Variants in RPS6KC1 observed in about 807,000 individuals in gnomAD.
RPS6KC1 encodes inactive ribosomal protein S6 kinase delta-1.
A neutral mutation model predicts 103.8 loss-of-function variants in RPS6KC1; 54 were observed. The observed-to-expected ratio is 0.52, with a 90% CI of 0.42 to 0.65. The LOEUF (loss-of-function observed/expected upper bound fraction) is 0.65, where lower values mean the gene tolerates loss of function less well. Ranked by LOEUF, RPS6KC1 falls within the 30% of genes least tolerant of loss-of-function variation. The probability of loss-of-function intolerance (pLI) is 0.00; values close to 1 mark genes in which losing one functional copy is unlikely to be tolerated. For missense variants in RPS6KC1, 1,151 were observed against 1,253.8 expected, an observed-to-expected ratio of 0.92 and a Z score of 1.24; for synonymous variants, 439 against 438.7, an observed-to-expected ratio of 1.00 and a Z score of -0.01.
At chr1:213,801,443 T>A in the RPS6KC1 span, among the ~76,000 whole-genome samples, 1 of 152,134 alleles carries the variant, frequency 6.6e-6, no homozygotes, top group Non-Finnish European at 1.5e-5. Context: ...TGTATAATAA[T>A]ATATATGTTG....
At chr1:213,610,780 C>T in the RPS6KC1 span, among the ~76,000 whole-genome samples, 2 of 152,164 alleles carry the variant, frequency 1.3e-5, no homozygotes, top group African/African-American at 2.4e-5. Flanking sequence ...AGGAAAACAT[C>T]ATTCTCTGAG....
chr1:213,771,953 C>T, the RPS6KC1 span, among the ~76,000 whole-genome samples: 3 of 152,186 alleles, frequency 2.0e-5, no homozygotes, highest in Admixed American at 6.5e-5. Flanking sequence ...GCGTGGGGGT[C>T]GCTTTCTTGA....
the RPS6KC1 span, among the ~76,000 whole-genome samples, chr1:213,505,087 C>T: frequency 2.6e-5 from 4 of 152,252 alleles, no homozygotes; most frequent in East Asian, 3.9e-4. Context: ...TGTGGGGCTT[C>T]GTTTCCCTTC....
chr1:213,713,310 C>T, the RPS6KC1 span, among the ~76,000 whole-genome samples: 4 of 152,184 alleles, frequency 2.6e-5, no homozygotes, highest in South Asian at 2.1e-4. Flanking sequence ...TATTTTATCT[C>T]TTCCTGTTGC....
At chr1:213,507,098 A>G in the RPS6KC1 span, among the ~76,000 whole-genome samples, 1 of 152,232 alleles carries the variant, frequency 6.6e-6, no homozygotes, top group Non-Finnish European at 1.5e-5. Flanking sequence ...CAATGAACGT[A>G]TCAGCATTCT....
chr1:213,310,045 C>G, the RPS6KC1 span, among the ~76,000 whole-genome samples: 1 of 152,160 alleles, frequency 6.6e-6, no homozygotes, highest in Non-Finnish European at 1.5e-5. Flanking sequence ...GCCCCTCTTT[C>G]AATGTATACC....
intron 10 of RPS6KC1, among the ~76,000 whole-genome samples, chr1:213,235,249 T>C (rs1034940517): frequency 5.3e-5 from 8 of 152,248 alleles, no homozygotes; most frequent in African/African-American, 1.4e-4. Context: ...TTAATTCATT[T>C]CATTAGAAAT....
At chr1:213,424,730 C>T in the RPS6KC1 span, among the ~76,000 whole-genome samples, 1 of 152,236 alleles carries the variant, frequency 6.6e-6, no homozygotes, top group Non-Finnish European at 1.5e-5. Context: ...ATTTTGCAGG[C>T]AATGGTCTTT....
intron 6 of RPS6KC1, among the ~76,000 whole-genome samples, chr1:213,135,989 G>A (rs1275453064): frequency 6.6e-6 from 1 of 152,148 alleles, no homozygotes; most frequent in Non-Finnish European, 1.5e-5. Context: ...ACTCAAAGAG[G>A]CTCACATAGA....
At chr1:213,458,456 G>C in the RPS6KC1 span, among the ~76,000 whole-genome samples, 1 of 152,144 alleles carries the variant, frequency 6.6e-6, no homozygotes, top group Admixed American at 6.5e-5. Flanking sequence ...GCACTGCAGA[G>C]AGCACACAAG....
chr1:213,752,319 C>T, the RPS6KC1 span, among the ~76,000 whole-genome samples: 1 of 151,516 alleles, frequency 6.6e-6, no homozygotes, highest in Admixed American at 6.6e-5. Context: ...AGTCCAAAAA[C>T]ACATCACAGG....
chr1:213,689,557 T>C, the RPS6KC1 span, among the ~76,000 whole-genome samples: 1 of 152,220 alleles, frequency 6.6e-6, no homozygotes, highest in Admixed American at 6.5e-5. Flanking sequence ...TGACAGTCAA[T>C]CCAATTCCAT....
At chr1:213,514,961 G>A in the RPS6KC1 span, among the ~76,000 whole-genome samples, 1 of 152,102 alleles carries the variant, frequency 6.6e-6, no homozygotes, top group South Asian at 2.1e-4. Flanking sequence ...GTTTTGATTT[G>A]CATTTCTCTG....
At chr1:213,820,006 T>G in the RPS6KC1 span, 1 of 152,180 alleles carries the variant, frequency 6.6e-6, no homozygotes, top group Non-Finnish European at 1.5e-5. Flanking sequence ...CCCTGATTAA[T>G]GGCAGGAAAG....
At chr1:213,191,844 C>G (rs2092758426) in intron 8 of RPS6KC1, among the ~76,000 whole-genome samples, 2 of 151,940 alleles carry the variant, frequency 1.3e-5, no homozygotes, top group African/African-American at 4.8e-5. Flanking sequence ...GAGTCTTGCT[C>G]TGTCGCTCGG....
rs544524260 is a variant in RPS6KC1, at chr1:213,272,763, TG to T, written c.*136del. The T allele has an allele frequency of 1.5e-5, 10 of 653,840 alleles. No individual in the cohort carries two copies. Among genetic ancestry groups the T allele is most frequent in the African/African-American group, 9.1e-5 (5 of 54,944 alleles). The allele number at this position is 653,840 out of a possible 1,614,324, so 40.5% of individuals were successfully genotyped here. A position where few individuals can be genotyped will look rare whatever the true frequency, so the allele number is the denominator to read the frequency against. On this transcript the variant is annotated 3_prime_UTR_variant, in exon 15 of 15. Transcript: ENST00000366960. ...TTTGGATAAAGACCGTTATAGGAAA[TG>T]GGGGGGAAATGGCTAAAAGAGAACA...
At chr1:213,301,226 G>A in the RPS6KC1 span, among the ~76,000 whole-genome samples, 4 of 152,112 alleles carry the variant, frequency 2.6e-5, no homozygotes, top group Non-Finnish European at 5.9e-5. Context: ...TTTTAGTAGG[G>A]TTCTAGGAGA....
chr1:213,416,962 C>T, the RPS6KC1 span, among the ~76,000 whole-genome samples: 336 of 152,270 alleles, frequency 2.2e-3, 3 homozygotes, highest in African/African-American at 7.3e-3. Context: ...AAGACCTAGC[C>T]GCAGTGAGGT....
chr1:213,752,634 G>A, the RPS6KC1 span, among the ~76,000 whole-genome samples: 7 of 152,168 alleles, frequency 4.6e-5, no homozygotes, highest in African/African-American at 1.2e-4. Flanking sequence ...AAAAAAAGAG[G>A]TGCCTATCAA....
Sources: gnomAD v4.1 joint callset for allele counts (sites outside exome capture counted in the v4.1 genomes callset) on GRCh38, gnomAD v4.1.1 for gene constraint, MANE v1.5 for transcripts, NCBI Gene and HGNC (gene_info 2026-07-23, HGNC 2026-07-21) for gene names.